Variants in WWOX observed in about 807,000 individuals in gnomAD.
The protein encoded by WWOX is WW domain-containing oxidoreductase.
Under a neutral mutation model 46.2 loss-of-function variants are expected in WWOX, and 69 were observed. The ratio of observed to expected loss-of-function variants is 1.49; its 90% CI spans 1.23 to 1.82. The LOEUF is 1.82. Ranked by LOEUF, WWOX falls within the 40% of genes most tolerant of loss-of-function variation. The pLI is 0.00. For missense variants in WWOX, 919 were observed against 542.6 expected, an observed-to-expected ratio of 1.69 and a Z score of -6.89; for synonymous variants, 359 against 202.6, an observed-to-expected ratio of 1.77 and a Z score of -6.56.
chr16:79,163,505 A>T (rs934934998), intron 8 of WWOX, among the ~76,000 whole-genome samples: 14 of 152,164 alleles, frequency 9.2e-5, no homozygotes, highest in African/African-American at 2.9e-4. Context: ...ATTCATCATG[A>T]TGTTAGAGAA....
intron 8 of WWOX, chr16:78,756,982 G>T: frequency 2.8e-6 from 2 of 702,932 alleles, no homozygotes; most frequent in Non-Finnish European, 5.2e-6. Context: ...AAGCATACCC[G>T]TGTAGAAGAA....
chr16:78,134,334 G>T (rs2033714370), intron 4 of WWOX, among the ~76,000 whole-genome samples: 2 of 136,116 alleles, frequency 1.5e-5, no homozygotes, highest in Non-Finnish European at 3.1e-5. Flanking sequence ...TACAGACTTT[G>T]CAAAGACTAT....
intron 5 of WWOX, among the ~76,000 whole-genome samples, chr16:78,310,079 T>C (rs1440078624): frequency 1.3e-5 from 2 of 152,092 alleles, no homozygotes; most frequent in East Asian, 3.9e-4. Flanking sequence ...CCCTCTCTTT[T>C]TCCTTTTCTT....
At chr16:78,772,104 G>A (rs1176743238) in intron 8 of WWOX, among the ~76,000 whole-genome samples, 1 of 152,116 alleles carries the variant, frequency 6.6e-6, no homozygotes, top group Non-Finnish European at 1.5e-5. Flanking sequence ...GTAACTTCAT[G>A]TCACAAAGGT....
At chr16:78,568,865 T>A (rs1468368842) in intron 8 of WWOX, among the ~76,000 whole-genome samples, 4 of 152,242 alleles carry the variant, frequency 2.6e-5, no homozygotes, top group Admixed American at 6.5e-5. Flanking sequence ...TGCTTCTGTC[T>A]TACACGTTTT....
chr16:79,077,083 G>A (rs560652696), intron 8 of WWOX, among the ~76,000 whole-genome samples: 2 of 152,246 alleles, frequency 1.3e-5, no homozygotes, highest in Admixed American at 1.3e-4. Flanking sequence ...AGGTCTCATA[G>A]CAAAAAGGTG....
intron 8 of WWOX, among the ~76,000 whole-genome samples, chr16:78,468,923 C>A (rs1330828190): frequency 6.6e-6 from 1 of 152,162 alleles, no homozygotes; most frequent in African/African-American, 2.4e-5. Flanking sequence ...CCCTCTACCC[C>A]AAAAGTATAT....
At chr16:78,921,477 A>C (rs1320584988) in intron 8 of WWOX, among the ~76,000 whole-genome samples, 1 of 152,208 alleles carries the variant, frequency 6.6e-6, no homozygotes, top group African/African-American at 2.4e-5. Context: ...AATATCCTAT[A>C]ATTGAAAAAG....
intron 8 of WWOX, among the ~76,000 whole-genome samples, chr16:79,163,782 C>G (rs1357301913): frequency 1.2e-5 from 1 of 82,804 alleles, no homozygotes. Context: ...GGGCAACGAG[C>G]AAAACTCCAC....
At chr16:78,109,050 T>A (rs2032329586) in intron 2 of WWOX, among the ~76,000 whole-genome samples, 1 of 152,186 alleles carries the variant, frequency 6.6e-6, no homozygotes, top group Non-Finnish European at 1.5e-5. Context: ...ATTCACAGTT[T>A]ATGATGTTTT....
At chr16:78,116,058 G>C (rs1597219827) in intron 4 of WWOX, among the ~76,000 whole-genome samples, 2 of 152,086 alleles carry the variant, frequency 1.3e-5, no homozygotes, top group East Asian at 3.9e-4. Context: ...GGGTTCATGA[G>C]ATGTTTTGAT....
chr16:78,762,552 C>T (rs1467463420), intron 8 of WWOX, among the ~76,000 whole-genome samples: 1 of 152,200 alleles, frequency 6.6e-6, no homozygotes. Context: ...CATAGGGCAG[C>T]ACACTGCTGC....
chr16:79,192,593 C>A (rs763203248), intron 8 of WWOX, among the ~76,000 whole-genome samples: 3 of 152,178 alleles, frequency 2.0e-5, no homozygotes, highest in Non-Finnish European at 4.4e-5. Context: ...TCTTAAGGTG[C>A]CTAGGTATTC....
At chr16:78,942,608 A>AG (rs11417423) in intron 8 of WWOX, among the ~76,000 whole-genome samples, 33,055 of 152,084 alleles carry the variant, frequency 0.22, 5,677 homozygotes, top group African/African-American at 0.48. Flanking sequence ...TTTTAAAGGT[A>AG]CTTCATCTCA....
intron 8 of WWOX, among the ~76,000 whole-genome samples, chr16:78,448,095 C>A (rs1312935845): frequency 6.6e-6 from 1 of 152,140 alleles, no homozygotes; most frequent in Non-Finnish European, 1.5e-5. Context: ...TGAACCACTG[C>A]TTCTGGCCTA....
At chr16:78,443,813 T>C (rs1343171934) in intron 8 of WWOX, among the ~76,000 whole-genome samples, 2 of 152,218 alleles carry the variant, frequency 1.3e-5, no homozygotes, top group Non-Finnish European at 2.9e-5. Context: ...TTTAAGTTTG[T>C]GGTGCCTTCT....
At chr16:78,962,908 G>C (rs2046298226) in intron 8 of WWOX, among the ~76,000 whole-genome samples, 1 of 152,140 alleles carries the variant, frequency 6.6e-6, no homozygotes, top group Non-Finnish European at 1.5e-5. Context: ...ATTCTTTGCT[G>C]TCTTGCTTCT....
intron 8 of WWOX, among the ~76,000 whole-genome samples, chr16:79,083,520 C>T (rs1344255836): frequency 2.0e-5 from 3 of 152,196 alleles, no homozygotes; most frequent in Non-Finnish European, 2.9e-5. Flanking sequence ...CTGACACAAA[C>T]GTTTTCTTTC....
chr16:78,643,623 G>C (rs2046773551), intron 8 of WWOX, among the ~76,000 whole-genome samples: 1 of 152,108 alleles, frequency 6.6e-6, no homozygotes, highest in African/African-American at 2.4e-5. Context: ...TGCTTATAAG[G>C]CTGTTTCATG....
Sources: allele counts gnomAD v4.1 joint callset (sites outside exome capture counted in the v4.1 genomes callset), GRCh38; gene constraint gnomAD v4.1.1; transcripts MANE v1.5; gene names NCBI Gene and HGNC (gene_info 2026-07-23, HGNC 2026-07-21).